Variants in FOXP2 observed in about 807,000 individuals in gnomAD.
The protein encoded by FOXP2 is forkhead box P2, also known as forkhead box protein P2.
In FOXP2, 12 loss-of-function variants were observed where a neutral mutation model predicts 115.8. The ratio of observed to expected loss-of-function variants is 0.10; its 90% CI spans 0.07 to 0.17. FOXP2 has a LOEUF of 0.17. Ranked by LOEUF, FOXP2 falls within the 10% of genes least tolerant of loss-of-function variation. The pLI is 1.00. For missense variants in FOXP2, 629 were observed against 843.5 expected, an observed-to-expected ratio of 0.75 and a Z score of 3.15; for synonymous variants, 328 against 297.7, an observed-to-expected ratio of 1.10 and a Z score of -1.05.
intron 2 of FOXP2, among the ~76,000 whole-genome samples, chr7:114,289,004 A>T (rs187003953): frequency 6.6e-6 from 1 of 151,864 alleles, no homozygotes; most frequent in African/African-American, 2.4e-5. Context: ...TTCACTTTCT[A>T]CCTAAATTTC....
chr7:114,447,138 A>T (rs1187499109), intron 2 of FOXP2, among the ~76,000 whole-genome samples: 1 of 151,966 alleles, frequency 6.6e-6, no homozygotes. Flanking sequence ...CTCAATCCCC[A>T]TATTCAATCT....
Position 114,631,693 on chromosome 7 carries a change from T to C in FOXP2, c.763T>C (p.Ser255Pro), listed in dbSNP as rs531504911. 1 of 1,614,078 alleles carries C rather than the reference T, an allele frequency of 6.2e-7. No individual in the cohort carries two copies. The highest frequency in any genetic ancestry group is 1.1e-5 in the South Asian group (1 of 91,086). Residue 255 changes from serine (S) to proline (P), a missense_variant, in exon 6 of 17, where the codon TCG (serine) becomes CCG (proline). This residue lies in a region of FOXP2 where 138 missense variants were observed against 205.1 expected (regional missense o/e 0.67). Transcript: ENST00000350908. ...TGGCCAGGCAGCACTTCCTGTCCAA[T>C]CGCTGCCTCAAGGTACATACAAAAT... ...PPGQAALPVQSLPQAGLSPAE... is the reference protein window; with the variant it reads ...PPGQAALPVQPLPQAGLSPAE...
At chr7:114,460,716 C>CT (rs1265835959) in intron 2 of FOXP2, among the ~76,000 whole-genome samples, 20 of 152,256 alleles carry the variant, frequency 1.3e-4, no homozygotes, top group Non-Finnish European at 4.4e-5. Flanking sequence ...TTTCCTTGTT[C>CT]TCCTTCCTTA....
At chr7:114,386,360 T>G (rs61006613) in intron 2 of FOXP2, among the ~76,000 whole-genome samples, 6,939 of 152,304 alleles carry the variant, frequency 0.046, 651 homozygotes, top group East Asian at 0.32. Context: ...ATTTTAAGCT[T>G]TTTAAAACAT....
Position 114,368,840 on chromosome 7 carries a change from A to G in FOXP2, c.-10-57662A>G, listed in dbSNP as rs558291045. 8.5e-5 allele frequency among the ~76,000 whole-genome samples: 13 copies of G among 152,378 alleles called. 1 individual carries two copies. The highest frequency in any genetic ancestry group is 2.9e-4 in the African/African-American group (12 of 41,592). ...ACCTATAGCTTTGACAAGAAGGTAT[A>G]ATTGACAACAATATTACCTATAGCT... On this transcript the variant is annotated intron_variant, in intron 2 of 17. Transcript: ENST00000634411.
At chr7:114,547,247 A>G (rs1278436343) in intron 3 of FOXP2, among the ~76,000 whole-genome samples, 1 of 152,050 alleles carries the variant, frequency 6.6e-6, no homozygotes, top group Non-Finnish European at 1.5e-5. Flanking sequence ...TTTTATCTTT[A>G]TCTAAATATT....
At chr7:114,148,072 C>A (rs1269855959) in intron 1 of FOXP2, among the ~76,000 whole-genome samples, 1 of 152,172 alleles carries the variant, frequency 6.6e-6, no homozygotes, top group African/African-American at 2.4e-5. Context: ...TGAGCCTGGG[C>A]ATTAACCACA....
chr7:114,600,787 G>A (rs146962753), intron 3 of FOXP2, among the ~76,000 whole-genome samples: 1 of 152,164 alleles, frequency 6.6e-6, no homozygotes, highest in African/African-American at 2.4e-5. Flanking sequence ...TTTTTCATCT[G>A]TGTATCTTCT....
chr7:114,144,969 A>G (rs571633282), intron 1 of FOXP2, among the ~76,000 whole-genome samples: 5 of 152,296 alleles, frequency 3.3e-5, no homozygotes, highest in African/African-American at 1.2e-4. Context: ...GAGCAATCTG[A>G]GCTGCTAAAA....
At chr7:114,683,258 A>G (rs1808192289) in intron 16 of FOXP2, among the ~76,000 whole-genome samples, 1 of 152,326 alleles carries the variant, frequency 6.6e-6, no homozygotes, top group Admixed American at 6.5e-5. Context: ...ACAGTGTGCT[A>G]TGTGTAATGT....
chr7:114,671,062 C>G (rs1370147788), intron 16 of FOXP2, among the ~76,000 whole-genome samples: 1 of 151,928 alleles, frequency 6.6e-6, no homozygotes, highest in East Asian at 1.9e-4. Context: ...GGTCCTCTTA[C>G]AATTTTTCTT....
chr7:114,281,992 T>C (rs1796349504), intron 1 of FOXP2, among the ~76,000 whole-genome samples: 1 of 152,160 alleles, frequency 6.6e-6, no homozygotes, highest in Non-Finnish European at 1.5e-5. Context: ...TCTGTACAGA[T>C]AATGCTTACA....
intron 2 of FOXP2, among the ~76,000 whole-genome samples, chr7:114,403,139 G>C (rs1292997200): frequency 6.6e-6 from 1 of 152,130 alleles, no homozygotes; most frequent in Non-Finnish European, 1.5e-5. Context: ...CCCCTTCATA[G>C]TCTGTATATT....
At chr7:114,236,290 A>C (rs1359727736) in intron 1 of FOXP2, among the ~76,000 whole-genome samples, 1 of 152,220 alleles carries the variant, frequency 6.6e-6, no homozygotes, top group Non-Finnish European at 1.5e-5. Flanking sequence ...GTAGGATGGA[A>C]AAAATCTGTA....
intron 1 of FOXP2, among the ~76,000 whole-genome samples, chr7:114,424,480 C>T (rs971336056): frequency 6.6e-6 from 1 of 151,454 alleles, no homozygotes; most frequent in Non-Finnish European, 1.5e-5. Context: ...TTATGCCTAT[C>T]TGTTTCTACA....
chr7:114,194,927 C>CT (rs1461257789), intron 1 of FOXP2, among the ~76,000 whole-genome samples: 3 of 151,930 alleles, frequency 2.0e-5, no homozygotes, highest in Admixed American at 2.0e-4. Flanking sequence ...TGCAAAATTG[C>CT]TTTATGTGTC....
Position 114,515,402 on chromosome 7 carries a change from TTG to T in FOXP2, c.169-19214_169-19213del, listed in dbSNP as rs1291764016. Reference sequence around the variant, plus strand: ...CTGTTGTTTCCTGACTTTTTAATGATTGCCATTCTAACTGGTGTGAGATGGTA... The same window carrying T: ...CTGTTGTTTCCTGACTTTTTAATGATCCATTCTAACTGGTGTGAGATGGTA... On this transcript the variant is annotated intron_variant, in intron 2 of 16. Coordinates refer to ENST00000350908, the MANE Select transcript of FOXP2 (RefSeq NM_014491.4). Among the ~76,000 whole-genome samples, 140 of 150,722 alleles carry T rather than the reference TTG, an allele frequency of 9.3e-4. No individual in the cohort carries two copies. The East Asian group carries it at 0.018, about 20-fold the overall frequency.
At chr7:114,483,472 G>T (rs1584791980) in intron 2 of FOXP2, among the ~76,000 whole-genome samples, 3 of 151,532 alleles carry the variant, frequency 2.0e-5, no homozygotes, top group Admixed American at 2.0e-4. Context: ...AATAAAATTT[G>T]CCTCAGGAAG....
At chr7:114,302,099 T>G (rs1173251769) in intron 2 of FOXP2, among the ~76,000 whole-genome samples, 6 of 152,208 alleles carry the variant, frequency 3.9e-5, no homozygotes, top group Non-Finnish European at 7.4e-5. Context: ...AACTTCTAGA[T>G]TGTAATTATC....
Sources: gnomAD v4.1 joint callset for allele counts (sites outside exome capture counted in the v4.1 genomes callset) on GRCh38, gnomAD v4.1.1 for gene constraint, gnomAD v4.1.1 regional missense constraint, MANE v1.5 for transcripts, NCBI Gene and HGNC (gene_info 2026-07-23, HGNC 2026-07-21) for gene names.